Variants in NEDD4L observed in about 807,000 individuals in gnomAD.
NEDD4L encodes NEDD4 like E3 ubiquitin protein ligase, also known as E3 ubiquitin-protein ligase NEDD4-like.
Under a neutral mutation model 148.9 loss-of-function variants are expected in NEDD4L, and 54 were observed. The observed-to-expected ratio is 0.36, with a 90% confidence interval of 0.29 to 0.45. The LOEUF is 0.45. NEDD4L is among the 20% of genes least tolerant of loss of function. NEDD4L has a pLI of 1.00. For synonymous variants in NEDD4L, 433 were observed against 440.7 expected (o/e 0.98, Z 0.22); for missense variants, 856 against 1,233.8 (o/e 0.69, Z 4.59).
intron 2 of NEDD4L, among the ~76,000 whole-genome samples, chr18:58,192,706 T>TC (rs767762213): frequency 6.6e-5 from 10 of 151,604 alleles, no homozygotes; most frequent in Non-Finnish European, 1.5e-4. Flanking sequence ...CCTGTCTCTT[T>TC]GAGGGGAGTT....
Position 58,161,081 on chromosome 18 carries a change from A to G in NEDD4L, c.49-4707A>G, listed in dbSNP as rs915621056. 7.0e-4 allele frequency among the ~76,000 whole-genome samples: 106 copies of G among 151,976 alleles called. 1 individual carries two copies. Among genetic ancestry groups the G allele is most frequent in the Admixed American group, 5.3e-3 (81 of 15,264 alleles). On this transcript the variant is annotated intron_variant, in intron 1 of 30. Coordinates refer to ENST00000400345, the MANE Select transcript of NEDD4L (RefSeq NM_001144967.3). ...GCCCAGGCTGGAGTGCAATGGTGCG[A>G]TCCCGGCTCACTGCAACCTCCGCCT...
chr18:58,348,795 A>G (rs2043467833), intron 16 of NEDD4L, among the ~76,000 whole-genome samples: 1 of 152,032 alleles, frequency 6.6e-6, no homozygotes, highest in Non-Finnish European at 1.5e-5. Flanking sequence ...TGCCTCATAA[A>G]TCATGCAGCC....
chr18:58,127,700 G>A (rs1009117131), intron 1 of NEDD4L, among the ~76,000 whole-genome samples: 12 of 152,092 alleles, frequency 7.9e-5, no homozygotes, highest in African/African-American at 2.7e-4. Flanking sequence ...AATTAGCTGG[G>A]CGTGGTGGCA....
At chr18:58,072,872 G>GCGCACACACA (rs1555682058) in intron 1 of NEDD4L, among the ~76,000 whole-genome samples, 71 of 131,600 alleles carry the variant, frequency 5.4e-4, no homozygotes, top group African/African-American at 1.5e-3. Context: ...GCGCGCGCGC[G>GCGCACACACA]CACACACACA....
chr18:58,211,920 G>A (rs2042636057), intron 2 of NEDD4L, among the ~76,000 whole-genome samples: 1 of 152,110 alleles, frequency 6.6e-6, no homozygotes. Flanking sequence ...ATCTGGAGAG[G>A]GGGTTGGGGG....
intron 1 of NEDD4L, among the ~76,000 whole-genome samples, chr18:58,122,056 G>C (rs2030011004): frequency 6.6e-6 from 1 of 152,258 alleles, no homozygotes; most frequent in South Asian, 2.1e-4. Context: ...GTGCCTGGGA[G>C]TTGCTCAAGT....
At chr18:58,232,337 C>A (rs556619857) in intron 2 of NEDD4L, among the ~76,000 whole-genome samples, 4 of 152,280 alleles carry the variant, frequency 2.6e-5, no homozygotes, top group Non-Finnish European at 4.4e-5. Flanking sequence ...AGGCTGAGAT[C>A]CCTGAGATCC....
In NEDD4L at chr18:58,157,450, G is replaced by A. The variant is rs151139859; in HGVS notation, c.49-8338G>A. The stretch of plus-strand genomic sequence containing the variant: ...CATGCAGTTTGCTTTATGCATTTAC[G>A]TAAGCAAATATTCGTACACACACAC... On this transcript the variant is annotated intron_variant, in intron 1 of 30. Transcript: ENST00000400345. Among the ~76,000 whole-genome samples the A allele has an allele frequency of 8.9e-3, 1,352 of 152,118 alleles. 14 individuals carry two copies. Among genetic ancestry groups the A allele is most frequent in the African/African-American group, 0.031 (1,275 of 41,474 alleles).
intron 2 of NEDD4L, among the ~76,000 whole-genome samples, chr18:58,233,415 A>C (rs554151708): frequency 6.6e-6 from 1 of 152,334 alleles, no homozygotes; most frequent in South Asian, 2.1e-4. Flanking sequence ...CAGACAAGAG[A>C]GAAATGAAAG....
chr18:58,140,307 T>G (rs982667634), intron 1 of NEDD4L, among the ~76,000 whole-genome samples: 1 of 152,228 alleles, frequency 6.6e-6, no homozygotes, highest in Non-Finnish European at 1.5e-5. Flanking sequence ...AAAATCATAC[T>G]TCCTAAGCTT....
intron 2 of NEDD4L, among the ~76,000 whole-genome samples, chr18:58,243,214 C>T (rs1345534411): frequency 1.3e-5 from 2 of 152,190 alleles, no homozygotes; most frequent in Non-Finnish European, 2.9e-5. Context: ...ATGAGAGCAA[C>T]AGAGTTTATG....
At chr18:58,379,345 CCT>C (rs1328668134) in intron 24 of NEDD4L, among the ~76,000 whole-genome samples, 2 of 152,222 alleles carry the variant, frequency 1.3e-5, no homozygotes, top group African/African-American at 2.4e-5. Context: ...GAGAGCAGCC[CCT>C]GTGTGACGCT....
At chr18:58,115,787 T>C (rs1211856522) in intron 1 of NEDD4L, among the ~76,000 whole-genome samples, 1 of 152,228 alleles carries the variant, frequency 6.6e-6, no homozygotes, top group East Asian at 1.9e-4. Flanking sequence ...ATATTATTAA[T>C]ACAGAGTTAG....
chr18:58,341,640 C>A, intron 14 of NEDD4L, 38 bp from the exon 15 acceptor site: 2 of 1,592,800 alleles, frequency 1.3e-6, no homozygotes, highest in East Asian at 4.6e-5. Flanking sequence ...ACCGGGAGAT[C>A]CTCCTATGAA....
rs757304993 is a variant in NEDD4L at position 58,385,493 on chromosome 18, G to A, written c.2427-33G>A. 7.0e-6 allele frequency: 11 copies of A among 1,563,030 alleles called. 1 individual carries two copies. In the South Asian group the frequency reaches 1.2e-4, roughly 17 times the overall value. ...AGCAGTGAGCACTAGTGATGATGGAGGTGGTTCAATATTGTCCTCTTTTCT... is the reference window on the plus strand; with the variant it reads ...AGCAGTGAGCACTAGTGATGATGGAAGTGGTTCAATATTGTCCTCTTTTCT... On this transcript the variant is annotated intron_variant, in intron 25 of 30. Transcript: ENST00000400345.
intron 1 of NEDD4L, among the ~76,000 whole-genome samples, chr18:58,112,559 G>A (rs1454803685): frequency 6.6e-6 from 1 of 152,004 alleles, no homozygotes; most frequent in African/African-American, 2.4e-5. Context: ...TGTGATCTTG[G>A]TTCACTGCAA....
At position 58,367,814 on chromosome 18, in the gene NEDD4L, C is replaced by G; in HGVS notation, c.2132C>G (p.Thr711Ser). The G allele has an allele frequency of 6.2e-7, 1 of 1,613,914 alleles. No homozygotes were observed. Among genetic ancestry groups the G allele is most frequent in the Non-Finnish European group, 8.5e-7 (1 of 1,179,808 alleles). Reference protein sequence around the residue: ...LCNEDHLSYFTFIGRVAGLAV... With the variant: ...LCNEDHLSYFSFIGRVAGLAV... The stretch of plus-strand genomic sequence containing the variant: ...AATGAGGATCATTTGTCCTACTTCA[C>G]TTTTATTGGAAGAGTTGCTGGTCTG... The change falls in exon 22 of 31, where the codon ACT (threonine) becomes AGT (serine). Residue 711 changes from threonine to serine, a missense_variant. By Grantham distance (58) the Thr-to-Ser change is moderately conservative. Around this residue, in one of 4 missense-constraint regions of NEDD4L, gnomAD observed 286 missense variants for 531.8 expected, o/e 0.54. Transcript: ENST00000400345.
chr18:58,092,845 C>T (rs1432512691), intron 1 of NEDD4L, among the ~76,000 whole-genome samples: 1 of 150,288 alleles, frequency 6.7e-6, no homozygotes, highest in Non-Finnish European at 1.5e-5. Context: ...TCCATGTACT[C>T]CCTCTCTCTC....
intron 1 of NEDD4L, among the ~76,000 whole-genome samples, chr18:58,098,380 C>T (rs1026937670): frequency 2.0e-5 from 3 of 152,140 alleles, no homozygotes; most frequent in East Asian, 1.9e-4. Context: ...CCCGTCTGTT[C>T]CTGCCTTTAC....
Sources: gnomAD v4.1 joint callset for allele counts (sites outside exome capture counted in the v4.1 genomes callset) on GRCh38, gnomAD v4.1.1 for gene constraint, gnomAD v4.1.1 regional missense constraint, MANE v1.5 for transcripts, NCBI Gene and HGNC (gene_info 2026-07-23, HGNC 2026-07-21) for gene names.